TKFC: variants seen among roughly 807,000 people sequenced by gnomAD.
TKFC encodes the protein triokinase and FMN cyclase, also known as triokinase/FMN cyclase.
TKFC carries 46 observed loss-of-function variants against 61.0 expected under a neutral mutation model. The observed-to-expected ratio is 0.75, with a 90% CI of 0.60 to 0.96. The LOEUF (loss-of-function observed/expected upper bound fraction) is 0.96, where lower values mean the gene tolerates loss of function less well. TKFC is among the 50% of genes least tolerant of loss of function. The pLI, the probability that TKFC is intolerant of heterozygous loss-of-function variation, is 0.00. For synonymous variants in TKFC, 314 were observed against 330.1 expected (o/e 0.95, Z 0.53); for missense variants, 715 against 777.5 (o/e 0.92, Z 0.96).
intron 3 of TKFC, 53 bp downstream of exon 3, chr11:61,338,183 T>C: frequency 1.4e-6 from 2 of 1,471,272 alleles, no homozygotes; most frequent in Non-Finnish European, 1.8e-6. Context: ...CAGGGCCTCC[T>C]GGGGGATCCT....
At chr11:61,342,535 GC>G in intron 8 of TKFC, 38 bp from the exon 9 acceptor site, 2 of 1,614,010 alleles carry the variant, frequency 1.2e-6, no homozygotes, top group Non-Finnish European at 1.7e-6. Flanking sequence ...TAAGGCCAAG[GC>G]CCCCCAGATG....
chr11:61,341,572 C>G, intron 6 of TKFC, 58 bp downstream of exon 6: 1 of 1,531,416 alleles, frequency 6.5e-7, no homozygotes. Context: ...AGCCCTGGGG[C>G]GAGGAGCAGG....
Position 61,346,080 on chromosome 11 carries a change from C to T in TKFC, c.1575+134C>T. The T allele has an allele frequency of 8.8e-7, 1 of 1,135,140 alleles. No individual in the cohort carries two copies. Among genetic ancestry groups the T allele is most frequent in the South Asian group, 1.5e-5 (1 of 65,560 alleles). The allele number at this position is 1,135,140 out of a possible 1,614,324, so 70.3% of individuals were successfully genotyped here. ...TTCTCTGTACAATGGAGATGAGCAC[C>T]TATCTCAGAAGGTGGTTATGTGGCT... On this transcript the variant is annotated intron_variant, in intron 17 of 17. Coordinates refer to ENST00000394900, the MANE Select transcript of TKFC (RefSeq NM_015533.4). The surrounding 1 kb of genome is among the most constrained non-coding windows in gnomAD (Gnocchi z 4.1).
downstream of TKFC, chr11:61,350,396 G>C (rs1294692896): frequency 3.7e-6 from 6 of 1,609,864 alleles, no homozygotes; most frequent in Admixed American, 8.4e-5. Flanking sequence ...CCTTCCTGCT[G>C]CTTCACTCCC....
At chr11:61,333,986 G>C (rs1856497256) in intron 1 of TKFC, 2 of 152,434 alleles carry the variant, frequency 1.3e-5, no homozygotes, top group Admixed American at 1.3e-4. Flanking sequence ...CCCACACAGA[G>C]GCCAACACGC....
rs748431539 is a variant in TKFC at position 61,338,043 on chromosome 11, G to A, written c.106G>A (p.Val36Met). The A allele has an allele frequency of 2.4e-5, 39 of 1,613,124 alleles. No homozygotes were observed. Among genetic ancestry groups the A allele is most frequent in the South Asian group, 9.9e-5 (9 of 91,024 alleles). ...PNLQLLQGHRVALRSDLDSLK... is the reference protein window; with the variant it reads ...PNLQLLQGHRMALRSDLDSLK... ...CCTGCAGCTCCTGCAGGGCCACCGC[G>A]TGGCCCTCCGTTCTGACCTGGACAG... Residue 36 changes from valine (V) to methionine (M), a missense_variant, in exon 3 of 18, where the codon GTG becomes ATG. Transcript: ENST00000394900.
chr11:61,349,271 G>A (rs1465382192), downstream of TKFC: 20 of 425,224 alleles, frequency 4.7e-5, no homozygotes, highest in South Asian at 2.2e-4. Context: ...AGCCATGGTG[G>A]GGCCAGGTGA....
chr11:61,338,454 C>T (rs1037920939), intron 3 of TKFC, among the ~76,000 whole-genome samples: 1 of 152,178 alleles, frequency 6.6e-6, no homozygotes, highest in Admixed American at 6.5e-5. Context: ...CTGACTCTTC[C>T]AGCCTACAGC....
At position 61,338,097 on chromosome 11, in the gene TKFC, G is replaced by C; in HGVS notation, c.160G>C (p.Gly54Arg). ...SLKGRVALLS[G>R]GGSGHEPAHA... ...CAAGGGCCGGGTGGCACTGCTGTCG[G>C]GTGGGGGCTCTGGCCATGAGCCTGC... The change falls in exon 3 of 18, where the codon GGT (glycine) becomes CGT (arginine). Residue 54 changes from glycine (G) to arginine (R), a missense_variant. Coordinates refer to ENST00000394900, the MANE Select transcript of TKFC (RefSeq NM_015533.4). 1 of 1,606,688 alleles carries C rather than the reference G, an allele frequency of 6.2e-7. No individual in the cohort carries two copies. Among genetic ancestry groups the C allele is most frequent in the African/African-American group, 1.3e-5 (1 of 74,844 alleles).
In TKFC at chr11:61,342,488, G is replaced by A. The variant is rs200763152; in HGVS notation, c.683G>A (p.Arg228Gln). ...LGIHGEAGVRRIKMATADEIV... is the reference protein window; with the variant it reads ...LGIHGEAGVRQIKMATADEIV... ...ATCCACGGGGAAGCTGGTGTGCGCCGGATAAAGGTAGGTGGTCCCTCTGGC... is the reference window on the plus strand; with the variant it reads ...ATCCACGGGGAAGCTGGTGTGCGCCAGATAAAGGTAGGTGGTCCCTCTGGC... The change falls in exon 8 of 18, where the codon CGG (arginine) becomes CAG (glutamine). Residue 228 changes from arginine (R) to glutamine (Q), a missense_variant. By Grantham distance (43) the Arg-to-Gln change is conservative. Transcript: ENST00000394900. 1,171 of 1,614,068 alleles carry A rather than the reference G, an allele frequency of 7.3e-4. No homozygotes were observed. The highest frequency in any genetic ancestry group is 8.2e-4 in the Non-Finnish European group (965 of 1,180,030).
chr11:61,333,316 AGCCGGCGGGGGAGGTGC>A lies in TKFC; in HGVS notation c.-119_-110+7del, dbSNP rs1451268268. ...TTCGGATGTGGCGGATGCGGCCGTG[AGCCGGCGGGGGAGGTGC>A]GCCAGTGTCCTCCGAGCTCGCCCGC... On this transcript the variant is annotated splice_donor_variant and splice_donor_region_variant and 5_prime_UTR_variant and intron_variant, in exon 1 of 18. Coordinates refer to ENST00000394900, the MANE Select transcript of TKFC (RefSeq NM_015533.4). LOFTEE classifies it low-confidence loss of function (5UTR_SPLICE). 1.5e-5 allele frequency: 3 copies of A among 199,748 alleles called. No individual in the cohort carries two copies. Among genetic ancestry groups the A allele is most frequent in the African/African-American group, 6.9e-5 (3 of 43,370 alleles). The allele number at this position is 199,748 out of a possible 1,614,324, so 12.4% of individuals were successfully genotyped here. A position where few individuals can be genotyped will look rare whatever the true frequency, so the allele number is the denominator to read the frequency against.
chr11:61,340,173 G>T (rs1192640264), intron 5 of TKFC, among the ~76,000 whole-genome samples: 1 of 152,084 alleles, frequency 6.6e-6, no homozygotes, highest in Non-Finnish European at 1.5e-5. Context: ...CACCACGCCC[G>T]GCTAATTTTT....
In TKFC at chr11:61,344,289, T is replaced by C; in HGVS notation, c.1240+16T>C. 6.2e-7 allele frequency: 1 copy of C among 1,607,452 alleles called. No homozygotes were observed. Among genetic ancestry groups the C allele is most frequent in the Non-Finnish European group, 8.5e-7 (1 of 1,176,738 alleles). On this transcript the variant is annotated intron_variant, in intron 13 of 17. Coordinates refer to ENST00000394900, the MANE Select transcript of TKFC (RefSeq NM_015533.4). The stretch of plus-strand genomic sequence containing the variant: ...GCGGCCAGAGGTTGGTGCCAGGGAC[T>C]TTGCCAAGTGAGGTCATTCACAAAA...
intron 11 of TKFC, 147 bp from the exon 12 acceptor site, chr11:61,343,709 C>A: frequency 8.3e-7 from 1 of 1,205,900 alleles, no homozygotes; most frequent in Non-Finnish European, 1.2e-6. Flanking sequence ...ATACAGTAGG[C>A]ACTCAGTCCA....
downstream of TKFC, chr11:61,349,350 ACAC>A (rs1175865936): frequency 7.6e-5 from 43 of 566,820 alleles, no homozygotes; most frequent in Middle Eastern, 9.6e-4. Context: ...TGCACACTGG[ACAC>A]CACAACTTTG....
Position 61,338,080 on chromosome 11 carries a change from G to A in TKFC, c.143G>A (p.Arg48Gln), listed in dbSNP as rs140801405. 27 of 1,609,904 alleles carry A rather than the reference G, an allele frequency of 1.7e-5. No homozygotes were observed. The highest frequency in any genetic ancestry group is 2.2e-5 in the East Asian group (1 of 44,806). Reference protein sequence around the residue: ...LRSDLDSLKGRVALLSGGGSG... With the variant: ...LRSDLDSLKGQVALLSGGGSG... ...TCTGACCTGGACAGCCTCAAGGGCC[G>A]GGTGGCACTGCTGTCGGGTGGGGGC... Residue 48 changes from arginine (R) to glutamine (Q), a missense_variant, in exon 3 of 18, where the codon CGG (arginine) becomes CAG (glutamine). Coordinates refer to ENST00000394900, the MANE Select transcript of TKFC (RefSeq NM_015533.4).
chr11:61,334,046 C>T (rs1856499630), intron 1 of TKFC: 1 of 152,520 alleles, frequency 6.6e-6, no homozygotes, highest in African/African-American at 2.4e-5. Context: ...TCGTGGTTTA[C>T]ATCTTGCCTT....
intron 12 of TKFC, 47 bp from the exon 13 acceptor site, chr11:61,344,089 G>GT: frequency 1.2e-6 from 2 of 1,607,726 alleles, no homozygotes; most frequent in Non-Finnish European, 1.7e-6. Context: ...AAGTGTGGTT[G>GT]TGAGAAGGGC....
chr11:61,350,130 C>T (rs1565064618), downstream of TKFC: 1 of 581,432 alleles, frequency 1.7e-6, no homozygotes, highest in Non-Finnish European at 3.1e-6. Flanking sequence ...AGAAGGCAGG[C>T]CCAGCACCCA....
Sources: allele counts gnomAD v4.1 joint callset (sites outside exome capture counted in the v4.1 genomes callset), GRCh38; gene constraint gnomAD v4.1.1; non-coding constraint Gnocchi (gnomAD v3.1); transcripts MANE v1.5; gene names NCBI Gene and HGNC (gene_info 2026-07-23, HGNC 2026-07-21).